The following CHID1 variants were observed in gnomAD, a reference collection of about 807,000 sequenced individuals.
CHID1 encodes chitinase domain containing 1, also known as chitinase domain-containing protein 1.
In CHID1, 44 loss-of-function variants were observed where a neutral mutation model predicts 55.4. The ratio of observed to expected loss-of-function variants is 0.79; its 90% CI spans 0.62 to 1.02. CHID1 has a LOEUF of 1.02. Among genes scored for constraint, CHID1 ranks in the 50% least tolerant of loss-of-function variants. CHID1 has a pLI of 0.00. For missense variants in CHID1, 491 were observed against 515.3 expected, an observed-to-expected ratio of 0.95 and a Z score of 0.46; for synonymous variants, 216 against 212.9, an observed-to-expected ratio of 1.01 and a Z score of -0.13.
intron 7 of CHID1, among the ~76,000 whole-genome samples, chr11:897,497 G>A (rs563756470): frequency 6.6e-6 from 1 of 152,344 alleles, no homozygotes; most frequent in Non-Finnish European, 1.5e-5. Flanking sequence ...AGCCCCGGCA[G>A]GGTCCACTGC....
chr11:899,718 C>T (rs1851663115), intron 6 of CHID1, among the ~76,000 whole-genome samples: 1 of 152,208 alleles, frequency 6.6e-6, no homozygotes, highest in African/African-American at 2.4e-5. Context: ...GGCTGGGTCC[C>T]CTCCCAGGAG....
chr11:886,545 C>T (rs569616710), intron 8 of CHID1, among the ~76,000 whole-genome samples: 12 of 152,298 alleles, frequency 7.9e-5, no homozygotes, highest in African/African-American at 2.2e-4. Context: ...TTTCTGGAGA[C>T]GGGGCCTTTA....
Position 899,349 on chromosome 11 carries a change from T to C in CHID1, c.599A>G (p.Gln200Arg). 6.2e-7 allele frequency: 1 copy of C among 1,602,946 alleles called. No homozygotes were observed. Among genetic ancestry groups the C allele is most frequent in the Non-Finnish European group, 8.5e-7 (1 of 1,174,760 alleles). Residue 200 changes from glutamine (Q) to arginine (R), a missense_variant, in exon 7 of 13, where the codon CAG becomes CGG. Transcript: ENST00000323578. ...VVEVWNQLLS[Q>R]KRVGLIHMLT... is the part of the protein sequence containing the mutation. ...ACCTGTGCCCACTCACACGCGCTTC[T>C]GGCTTAGCAGCTGGTTCCAGACCTC...
At position 904,833 on chromosome 11, in the gene CHID1, T is replaced by C. The variant is rs754941820; in HGVS notation, c.-17A>G. On this transcript the variant is annotated 5_prime_UTR_variant, in exon 2 of 13. Transcript: ENST00000323578. ...TGTCCGCATGGTAGGTGTGTCACAG[T>C]AGGGTCCAACCTCGGGGTCCAGAGG... 2 of 1,613,544 alleles carry C rather than the reference T, an allele frequency of 1.2e-6. No individual in the cohort carries two copies. The highest frequency in any genetic ancestry group is 3.3e-5 in the Admixed American group (2 of 60,024).
At chr11:869,981 A>G in intron 12 of CHID1, 25 bp from the exon 13 acceptor site, 1 of 1,610,854 alleles carries the variant, frequency 6.2e-7, no homozygotes, top group Non-Finnish European at 8.5e-7. Flanking sequence ...AGGTGTGAGC[A>G]CCTGCTGGGG....
chr11:898,849 A>G (rs1317182454), intron 7 of CHID1, among the ~76,000 whole-genome samples: 5 of 152,104 alleles, frequency 3.3e-5, no homozygotes. Context: ...GGTGGAGTGG[A>G]CTGCTACAAA....
Position 909,457 on chromosome 11 carries a change from C to A in CHID1, c.-44+1318G>T, listed in dbSNP as rs536636725. 8.5e-5 allele frequency among the ~76,000 whole-genome samples: 13 copies of A among 152,322 alleles called. No homozygotes were observed. In the South Asian group the frequency reaches 1.2e-3, roughly 15 times the overall value. ...GAGCGCTACTGCTCCCACTTTCCTG[C>A]GCTCCCAGTCCGTAGGTCCAGGACC... On this transcript the variant is annotated intron_variant, in intron 1 of 12. Transcript: ENST00000323578.
At chr11:870,310 G>A (rs1324210358) in intron 11 of CHID1, 109 bp downstream of exon 11, 10 of 1,349,800 alleles carry the variant, frequency 7.4e-6, no homozygotes, top group Non-Finnish European at 9.4e-6. Flanking sequence ...AGCAGCAAGT[G>A]AGCTCGTGAC....
intron 3 of CHID1, 141 bp from the exon 4 acceptor site, chr11:902,471 G>A (rs1336525538): frequency 1.1e-6 from 1 of 883,824 alleles, no homozygotes; most frequent in African/African-American, 1.7e-5. Flanking sequence ...ATCAGCTCCT[G>A]GCCTGGGGTA....
intron 10 of CHID1, among the ~76,000 whole-genome samples, chr11:878,628 G>C (rs1849676900): frequency 6.6e-6 from 1 of 151,954 alleles, no homozygotes; most frequent in Admixed American, 6.6e-5. Flanking sequence ...ATAAGCAACA[G>C]AAAACGAACT....
chr11:872,412 C>T (rs1165760835), intron 10 of CHID1, among the ~76,000 whole-genome samples: 2 of 152,224 alleles, frequency 1.3e-5, no homozygotes, highest in Non-Finnish European at 2.9e-5. Context: ...CTGCCTCGGC[C>T]TCCCAAAGTG....
intron 10 of CHID1, among the ~76,000 whole-genome samples, chr11:874,350 C>A (rs28537236): frequency 0.99 from 150,390 of 152,010 alleles, 74,416 homozygotes; most frequent in Middle Eastern, 1. Flanking sequence ...GTAGTCCCAG[C>A]TACTTGGGAG....
intron 10 of CHID1, among the ~76,000 whole-genome samples, chr11:878,503 C>T (rs986225424): frequency 2.6e-5 from 4 of 151,500 alleles, no homozygotes; most frequent in Admixed American, 6.6e-5. Context: ...GCAGAGGATG[C>T]GGTGAGCCAA....
intron 10 of CHID1, among the ~76,000 whole-genome samples, chr11:881,829 C>T (rs1182920071): frequency 6.6e-6 from 1 of 151,292 alleles, no homozygotes; most frequent in Admixed American, 6.6e-5. Flanking sequence ...TGGCAAAACC[C>T]TGTCTCTACA....
Position 884,178 on chromosome 11 carries a change from G to A in CHID1, c.702-9C>T, listed in dbSNP as rs1850224735. 2.5e-6 allele frequency: 4 copies of A among 1,611,028 alleles called. No homozygotes were observed. In the East Asian group the frequency reaches 8.9e-5, roughly 36 times the overall value. ...TGCCCAGCTGGTCGGTCCTGTAACA[G>A]ACAGGTGCAGCCACCTCAGGCTGCT... On this transcript the variant is annotated splice_polypyrimidine_tract_variant and intron_variant, in intron 8 of 12. Transcript: ENST00000323578.
rs1849018415 is a variant in CHID1, at chr11:869,316, T to G, written c.*542A>C. The stretch of plus-strand genomic sequence containing the variant: ...GGCAGCCCCTGCACCCTTGCCGTGC[T>G]GGACTCGGTGGGGACGTCTGGGTGG... On this transcript the variant is annotated 3_prime_UTR_variant, in exon 13 of 13. Transcript: ENST00000323578. 1 of 158,438 alleles carries G rather than the reference T, an allele frequency of 6.3e-6. No individual in the cohort carries two copies. The highest frequency in any genetic ancestry group is 1.4e-5 in the Non-Finnish European group (1 of 72,322). 9.8% of individuals were successfully genotyped at this position (158,438 alleles called of 1,614,324 possible). A position where few individuals can be genotyped will look rare whatever the true frequency, so the allele number is the denominator to read the frequency against.
chr11:884,111 C>A lies in CHID1; in HGVS notation c.760G>T (p.Asp254Tyr). 2 of 1,614,162 alleles carry A rather than the reference C, an allele frequency of 1.2e-6. No individual in the cohort carries two copies. Among genetic ancestry groups the A allele is most frequent in the Admixed American group, 1.7e-5 (1 of 60,018 alleles). ...KEFEQLAPVL[D>Y]GFSLMTYDYS... is the part of the protein sequence containing the mutation. Reference sequence around the variant, plus strand: ...TCGTAGGTCATGAGGCTGAAACCATCCAGCACGGGGGCCAGCTGCTCAAAC... The same window carrying A: ...TCGTAGGTCATGAGGCTGAAACCATACAGCACGGGGGCCAGCTGCTCAAAC... Residue 254 changes from aspartate (D) to tyrosine (Y), a missense_variant, in exon 9 of 13, where the codon GAT becomes TAT. By Grantham distance (160) the Asp-to-Tyr change is radical (BLOSUM62 -3). Transcript: ENST00000323578.
Position 883,391 on chromosome 11 carries a change from C to A in CHID1, c.804-88G>T, listed in dbSNP as rs118039665. On this transcript the variant is annotated intron_variant, in intron 9 of 12. Coordinates refer to ENST00000323578, the MANE Select transcript of CHID1 (RefSeq NM_023947.4). Reference sequence around the variant, plus strand: ...GGGGCCCTCCACTGAGGGGTGCATCCTCCCCATGCTGCGGCTGACACCTCT... The same window carrying A: ...GGGGCCCTCCACTGAGGGGTGCATCATCCCCATGCTGCGGCTGACACCTCT... The A allele has an allele frequency of 1.7e-4, 229 of 1,336,458 alleles. No individual in the cohort carries two copies. The East Asian group carries it at 4.4e-3, about 26-fold the overall frequency. The allele number at this position is 1,336,458 out of a possible 1,614,324, so 82.8% of individuals were successfully genotyped here.
chr11:885,549 C>T (rs918871965), intron 8 of CHID1, among the ~76,000 whole-genome samples: 9 of 152,126 alleles, frequency 5.9e-5, no homozygotes, highest in Non-Finnish European at 1.2e-4. Flanking sequence ...CCCCGACAAA[C>T]ACCTCCCAGC....
Sources: allele counts gnomAD v4.1 joint callset (sites outside exome capture counted in the v4.1 genomes callset), GRCh38; gene constraint gnomAD v4.1.1; transcripts MANE v1.5; gene names NCBI Gene and HGNC (gene_info 2026-07-23, HGNC 2026-07-21).